SHFL: variants seen among roughly 807,000 people sequenced by gnomAD.
The protein encoded by SHFL is shiftless antiviral inhibitor of ribosomal frameshifting, also known as shiftless antiviral inhibitor of ribosomal frameshifting protein.
Under a neutral mutation model 34.7 loss-of-function variants are expected in SHFL, and 12 were observed. That is an observed-to-expected ratio of 0.35 (90% CI 0.22 to 0.56). The LOEUF (loss-of-function observed/expected upper bound fraction) is 0.56. Ranked by LOEUF, SHFL falls within the 20% of genes least tolerant of loss-of-function variation. SHFL has a pLI of 0.88. For missense variants in SHFL, 278 were observed against 411.1 expected (o/e 0.68, Z 2.80); for synonymous variants, 148 against 156.0 (o/e 0.95, Z 0.38).
Position 10,086,922 on chromosome 19 carries a change from A to G in SHFL, c.22-7A>G, listed in dbSNP as rs1480506936. ...CCCCCACCGGAACCCCCCTGTCTCCATCCCAGCTGGAGAAGAGCGTCCGGC... is the reference window on the plus strand; with the variant it reads ...CCCCCACCGGAACCCCCCTGTCTCCGTCCCAGCTGGAGAAGAGCGTCCGGC... On this transcript the variant is annotated splice_polypyrimidine_tract_variant and splice_region_variant and intron_variant, in intron 1 of 7. Coordinates refer to ENST00000253110, the MANE Select transcript of SHFL (RefSeq NM_018381.4). The surrounding 1 kb of genome is among the most constrained non-coding windows in gnomAD (Gnocchi z 5.2). 6.2e-7 allele frequency: 1 copy of G among 1,613,342 alleles called. No individual in the cohort carries two copies. Among genetic ancestry groups the G allele is most frequent in the Non-Finnish European group, 8.5e-7 (1 of 1,179,700 alleles).
In SHFL at chr19:10,091,696, ATCTCCACTCAGTCCACTTTGTCT is replaced by A; in HGVS notation, c.643+67_643+89del. The stretch of plus-strand genomic sequence containing the variant: ...CCCTTCTGTGCCTTTAAGTCCCCAA[ATCTCCACTCAGTCCACTTTGTCT>A]CCCACAGCAGCAGCCACTGCTTCCA... On this transcript the variant is annotated intron_variant, in intron 7 of 7. Transcript: ENST00000253110. This position sits in a 1 kb window ranked among gnomAD's most constrained non-coding sequence, Gnocchi z 8.2. 1 of 1,470,964 alleles carries A rather than the reference ATCTCCACTCAGTCCACTTTGTCT, an allele frequency of 6.8e-7. No homozygotes were observed. The allele number at this position is 1,470,964 out of a possible 1,614,324, so 91.1% of individuals were successfully genotyped here.
At position 10,092,592 on chromosome 19, in the gene SHFL, C is replaced by T. The variant is rs2088415471; in HGVS notation, c.*290C>T. 1 of 1,602,412 alleles carries T rather than the reference C, an allele frequency of 6.2e-7. No homozygotes were observed. Among genetic ancestry groups the T allele is most frequent in the Non-Finnish European group, 8.5e-7 (1 of 1,171,752 alleles). On this transcript the variant is annotated 3_prime_UTR_variant, in exon 8 of 8. Coordinates refer to ENST00000253110, the MANE Select transcript of SHFL (RefSeq NM_018381.4). Reference sequence around the variant, plus strand: ...TAGGGGACAGAGGAACACAGAGTCACAGCTTCAGGGGCCGAATGAGCATGG... The same window carrying T: ...TAGGGGACAGAGGAACACAGAGTCATAGCTTCAGGGGCCGAATGAGCATGG...
At chr19:10,090,212 C>A in intron 5 of SHFL, 165 bp downstream of exon 5, 1 of 764,854 alleles carries the variant, frequency 1.3e-6, no homozygotes, top group Non-Finnish European at 2.1e-6. Flanking sequence ...AACCCCTGAC[C>A]CAGGACTGGA....
chr19:10,089,779 G>T, intron 4 of SHFL, 84 bp downstream of exon 4: 1 of 1,548,362 alleles, frequency 6.5e-7, no homozygotes, highest in East Asian at 2.4e-5. Flanking sequence ...AGGGCAGGAG[G>T]GGAGATATTC....
At position 10,092,478 on chromosome 19, in the gene SHFL, G is replaced by A. The variant is rs1243887209; in HGVS notation, c.*176G>A. ...GCCCAGGGTCACAGATCCACAGTGG[G>A]AAGTTCTGTGGGACACATTGGCACT... On this transcript the variant is annotated 3_prime_UTR_variant, in exon 8 of 8. Transcript: ENST00000253110. 6.6e-7 allele frequency: 1 copy of A among 1,515,012 alleles called. No individual in the cohort carries two copies. Among genetic ancestry groups the A allele is most frequent in the East Asian group, 2.3e-5 (1 of 44,164 alleles). The allele number at this position is 1,515,012 out of a possible 1,614,324, so 93.8% of individuals were successfully genotyped here.
At position 10,089,520 on chromosome 19, in the gene SHFL, A is replaced by G. The variant is rs940888282; in HGVS notation, c.196-137A>G. 6 of 1,371,240 alleles carry G rather than the reference A, an allele frequency of 4.4e-6. No homozygotes were observed. In the African/African-American group the frequency reaches 7.2e-5, roughly 16 times the overall value. 84.9% of individuals were successfully genotyped at this position (1,371,240 alleles called of 1,614,324 possible). On this transcript the variant is annotated intron_variant, in intron 3 of 7. Coordinates refer to ENST00000253110, the MANE Select transcript of SHFL (RefSeq NM_018381.4). Reference sequence around the variant, plus strand: ...ACTGAGGCCACACACCTGGCTCTCAATAAGTGAGTGGTGCTCTGTGAGCTT... The same window carrying G: ...ACTGAGGCCACACACCTGGCTCTCAGTAAGTGAGTGGTGCTCTGTGAGCTT...
chr19:10,089,728 G>A, intron 4 of SHFL, 33 bp downstream of exon 4: 1 of 1,585,566 alleles, frequency 6.3e-7, no homozygotes, highest in Non-Finnish European at 8.6e-7. Context: ...GGATGGGGGA[G>A]TTGGGAGGGG....
At chr19:10,090,293 C>T (rs536301444) in intron 5 of SHFL, 75 of 526,052 alleles carry the variant, frequency 1.4e-4, no homozygotes, top group African/African-American at 1.3e-3. Flanking sequence ...CACAATTGAA[C>T]AGCTACTACA....
intron 3 of SHFL, chr19:10,088,994 T>G (rs2088335914): frequency 5.6e-6 from 1 of 179,712 alleles, no homozygotes; most frequent in African/African-American, 2.5e-5. Flanking sequence ...ATAATAATAT[T>G]AGCAGAGAGT....
Position 10,092,709 on chromosome 19 carries a change from C to T in SHFL, c.*407C>T. On this transcript the variant is annotated 3_prime_UTR_variant, in exon 8 of 8. Transcript: ENST00000253110. ...TTCGGTAGTGGCCGCCGTGGTGCCA[C>T]ACACCGTTGAGGTTGGAGTGGGCAC... 2 of 1,614,046 alleles carry T rather than the reference C, an allele frequency of 1.2e-6. No individual in the cohort carries two copies. Among genetic ancestry groups the T allele is most frequent in the Non-Finnish European group, 1.7e-6 (2 of 1,179,920 alleles).
At position 10,087,046 on chromosome 19, in the gene SHFL, G is replaced by T; in HGVS notation, c.139G>T (p.Val47Leu). ...CCACACGGGAGTGGGGCGCTCCATC[G>T]TGTACGGTGAGGCTGCAGGGGTCCC... ...SDHTGVGRSI[V>L]YGVKQKDGQE... Residue 47 changes from valine (V) to leucine (L), a missense_variant, in exon 2 of 8, where the codon GTG (valine) becomes TTG (leucine). Around this residue, in one of 2 missense-constraint regions of SHFL, gnomAD observed 243 missense variants for 386.2 expected, o/e 0.63. Coordinates refer to ENST00000253110, the MANE Select transcript of SHFL (RefSeq NM_018381.4). The T allele has an allele frequency of 6.2e-7, 1 of 1,611,696 alleles. No individual in the cohort carries two copies. The highest frequency in any genetic ancestry group is 8.5e-7 in the Non-Finnish European group (1 of 1,178,894).
chr19:10,088,716 CG>C (rs2088331377), intron 3 of SHFL, among the ~76,000 whole-genome samples: 1 of 152,054 alleles, frequency 6.6e-6, no homozygotes, highest in South Asian at 2.1e-4. Context: ...GAGGTTGAGG[CG>C]GGCAGATCAC....
chr19:10,089,861 AC>A (rs761104658), intron 4 of SHFL, 36 bp from the exon 5 acceptor site: 4 of 1,599,058 alleles, frequency 2.5e-6, no homozygotes, highest in African/African-American at 2.7e-5. Flanking sequence ...AAGGGGTGAC[AC>A]CCCCCCACCT....
In SHFL at chr19:10,086,769, C is replaced by T; in HGVS notation, c.22-160C>T. ...CCCCAACGCCCTGTGGGGACTTTGG[C>T]TTTTTCCAGGAAATGCCGTAAAGGG... is the stretch of plus-strand genomic sequence containing the variant. On this transcript the variant is annotated intron_variant, in intron 1 of 7. Transcript: ENST00000253110. The surrounding 1 kb of genome is among the most constrained non-coding windows in gnomAD (Gnocchi z 5.2). 1 of 971,622 alleles carries T rather than the reference C, an allele frequency of 1.0e-6. No homozygotes were observed. The highest frequency in any genetic ancestry group is 1.5e-6 in the Non-Finnish European group (1 of 666,946). The allele number at this position is 971,622 out of a possible 1,614,324, so 60.2% of individuals were successfully genotyped here. A position where few individuals can be genotyped will look rare whatever the true frequency, so the allele number is the denominator to read the frequency against.
In SHFL at chr19:10,092,248, GGAGGAGGAGGAA is replaced by G. The variant is rs748235577; in HGVS notation, c.833_844del (p.Glu278_Glu281del). On this transcript the variant is annotated inframe_deletion, in exon 8 of 8. Coordinates refer to ENST00000253110, the MANE Select transcript of SHFL (RefSeq NM_018381.4). ...ACCTCATCCTGGAGGACCTGAAGGA[GGAGGAGGAGGAA>G]GAGGAGGAGGTGGAGGACGAGGAGG... is the stretch of plus-strand genomic sequence containing the variant. 262 of 1,609,520 alleles carry G rather than the reference GGAGGAGGAGGAA, an allele frequency of 1.6e-4. No individual in the cohort carries two copies. Among genetic ancestry groups the G allele is most frequent in the Non-Finnish European group, 2.0e-4 (234 of 1,178,004 alleles).
Position 10,088,307 on chromosome 19 carries a change from G to A in SHFL, c.195+1007G>A, listed in dbSNP as rs550081128. On this transcript the variant is annotated intron_variant, in intron 3 of 7. Coordinates refer to ENST00000253110, the MANE Select transcript of SHFL (RefSeq NM_018381.4). ...ATGCCGGGCGCGGTGGCTCACGCCT[G>A]TAATCCCAGCACTTTGGGAGGCCAA... 4.5e-3 allele frequency: 654 copies of A among 144,064 alleles called. 4 individuals are homozygous for A. The highest frequency in any genetic ancestry group is 0.016 in the African/African-American group (622 of 38,686). The allele number at this position is 144,064 out of a possible 1,614,324, so 8.9% of individuals were successfully genotyped here. A position where few individuals can be genotyped will look rare whatever the true frequency, so the allele number is the denominator to read the frequency against.
intron 5 of SHFL, among the ~76,000 whole-genome samples, chr19:10,090,663 A>G (rs532397862): frequency 1.2e-4 from 18 of 151,900 alleles, no homozygotes; most frequent in African/African-American, 4.3e-4. Context: ...AGCTGGTCTC[A>G]AACTCCTGGG....
intron 3 of SHFL, chr19:10,088,956 A>T (rs1039478529): frequency 1.0e-4 from 9 of 90,294 alleles, no homozygotes; most frequent in East Asian, 8.1e-4. Flanking sequence ...TCAAAAATAT[A>T]ATAATAATAA....
Position 10,086,517 on chromosome 19 carries a change from AG to A in SHFL, c.21+74del. ...CCCGAGGAGCGGCCGGGAGGCGCGG[AG>A]GGGGCTTCGCAGTTCCTGGGGACCC... On this transcript the variant is annotated intron_variant, in intron 1 of 7. Transcript: ENST00000253110. This position sits in a 1 kb window ranked among gnomAD's most constrained non-coding sequence, Gnocchi z 5.2. The A allele has an allele frequency of 7.7e-7, 1 of 1,301,588 alleles. No homozygotes were observed. The allele number at this position is 1,301,588 out of a possible 1,614,324, so 80.6% of individuals were successfully genotyped here.
Sources: gnomAD v4.1 joint callset for allele counts (sites outside exome capture counted in the v4.1 genomes callset) on GRCh38, gnomAD v4.1.1 for gene constraint, gnomAD v4.1.1 regional missense constraint, Gnocchi (gnomAD v3.1) non-coding constraint, MANE v1.5 for transcripts, NCBI Gene and HGNC (gene_info 2026-07-23, HGNC 2026-07-21) for gene names.